Variants in MANSC1 observed in about 807,000 individuals in gnomAD.
MANSC1 encodes MANSC domain-containing protein 1.
Under a neutral mutation model 14.1 loss-of-function variants are expected in MANSC1, and 13 were observed. The observed-to-expected ratio is 0.92, with a 90% CI of 0.60 to 1.46. MANSC1 has a LOEUF of 1.46. Among genes scored for constraint, MANSC1 ranks in the 40% most tolerant of loss-of-function variants. The probability of loss-of-function intolerance (pLI) is 0.00; values close to 1 mark genes in which losing one functional copy is unlikely to be tolerated. For missense variants in MANSC1, 486 were observed against 511.4 expected (o/e 0.95, Z 0.48); for synonymous variants, 227 against 200.7 (o/e 1.13, Z -1.11).
Position 12,330,419 on chromosome 12 carries a change from C to G in MANSC1, c.904G>C (p.Val302Leu), listed in dbSNP as rs1250154732. The change falls in exon 4 of 4, where the codon GTT becomes CTT. Residue 302 changes from valine (V) to leucine (L), a missense_variant. Coordinates refer to ENST00000535902, the MANE Select transcript of MANSC1 (RefSeq NM_018050.4). ...ATLQAMATTA[V>L]LTTTFQAPTD... is the part of the protein sequence containing the mutation. ...GGTGCCTGAAAGGTGGTAGTCAGAA[C>G]TGCTGTTGTAGCCATTGCTTGGAGT... is the stretch of plus-strand genomic sequence containing the variant. The G allele has an allele frequency of 3.1e-6, 5 of 1,614,092 alleles. No homozygotes were observed. Among genetic ancestry groups the G allele is most frequent in the Non-Finnish European group, 4.2e-6 (5 of 1,180,052 alleles).
intron 3 of MANSC1, among the ~76,000 whole-genome samples, chr12:12,333,059 A>ATATATATATATATATT (rs536426090): frequency 2.0e-5 from 3 of 150,808 alleles, no homozygotes; most frequent in African/African-American, 7.3e-5. Flanking sequence ...ATATATATAT[A>ATATATATATATATATT]TTTTTGAGAC....
intron 2 of MANSC1, among the ~76,000 whole-genome samples, chr12:12,341,854 T>A (rs1438926043): frequency 6.6e-6 from 1 of 152,202 alleles, no homozygotes; most frequent in African/African-American, 2.4e-5. Flanking sequence ...TAGCTGGATG[T>A]GGTGGCGAAC....
chr12:12,344,935 A>ACAC (rs1862988708), intron 1 of MANSC1, among the ~76,000 whole-genome samples: 2 of 74,590 alleles, frequency 2.7e-5, no homozygotes, highest in Admixed American at 2.5e-4. Context: ...ATATATATAT[A>ACAC]TATATATATA....
intron 1 of MANSC1, among the ~76,000 whole-genome samples, chr12:12,344,043 G>A (rs2135997081): frequency 6.6e-6 from 1 of 152,160 alleles, no homozygotes; most frequent in East Asian, 1.9e-4. Flanking sequence ...AGCCCAGGAA[G>A]TTGAGGCTGC....
rs1555141175 is a variant in MANSC1 at position 12,338,917 on chromosome 12, A to ACC, written c.224-359_224-358dup. On this transcript the variant is annotated intron_variant, in intron 2 of 3. Coordinates refer to ENST00000535902, the MANE Select transcript of MANSC1 (RefSeq NM_018050.4). Reference sequence around the variant, plus strand: ...CACACACACACACACACACACACACACCCCTAAGACCTGCATGTCACTTAC... The same window carrying ACC: ...CACACACACACACACACACACACACACCCCCCTAAGACCTGCATGTCACTTAC... 239 of 241,428 alleles carry ACC rather than the reference A, an allele frequency of 9.9e-4. 2 individuals are homozygous for ACC. In the East Asian group the frequency reaches 0.012, roughly 12 times the overall value. 15.0% of individuals were successfully genotyped at this position (241,428 alleles called of 1,614,324 possible). A position where few individuals can be genotyped will look rare whatever the true frequency, so the allele number is the denominator to read the frequency against.
chr12:12,329,927 T>C lies in MANSC1; in HGVS notation c.*100A>G, dbSNP rs1349793946. On this transcript the variant is annotated 3_prime_UTR_variant, in exon 4 of 4. Coordinates refer to ENST00000535902, the MANE Select transcript of MANSC1 (RefSeq NM_018050.4). ...AAGCAGAAGGGGGCATTTTCCTGTC[T>C]TCAAAATACAACCTCCTGCTAAGAC... 3.6e-5 allele frequency: 37 copies of C among 1,030,854 alleles called. No individual in the cohort carries two copies. Among genetic ancestry groups the C allele is most frequent in the Non-Finnish European group, 4.9e-5 (35 of 720,038 alleles). 63.9% of individuals were successfully genotyped at this position (1,030,854 alleles called of 1,614,324 possible).
intron 3 of MANSC1, among the ~76,000 whole-genome samples, chr12:12,334,076 C>CT (rs1862826549): frequency 6.6e-6 from 1 of 152,024 alleles, no homozygotes. Context: ...TACTGAGACC[C>CT]CCCCATTGCT....
intron 2 of MANSC1, among the ~76,000 whole-genome samples, chr12:12,342,821 C>A (rs1482119301): frequency 2.0e-5 from 3 of 151,936 alleles, no homozygotes; most frequent in Non-Finnish European, 4.4e-5. Context: ...TTTTTGTTTT[C>A]AATATTCTAG....
At chr12:12,332,319 G>A (rs552993491) in intron 3 of MANSC1, among the ~76,000 whole-genome samples, 23 of 152,188 alleles carry the variant, frequency 1.5e-4, no homozygotes, top group African/African-American at 5.3e-4. Flanking sequence ...TCCTACAGAC[G>A]GATCCAGAGG....
At chr12:12,331,283 A>C (rs1281092146) in intron 3 of MANSC1, among the ~76,000 whole-genome samples, 2 of 152,254 alleles carry the variant, frequency 1.3e-5, no homozygotes, top group Non-Finnish European at 2.9e-5. Context: ...CCGCCTCTCT[A>C]CCAGATGCTG....
chr12:12,345,937 T>C (rs1354973255), intron 1 of MANSC1, among the ~76,000 whole-genome samples: 1 of 152,176 alleles, frequency 6.6e-6, no homozygotes, highest in Non-Finnish European at 1.5e-5. Flanking sequence ...AATAGAGAGA[T>C]ATAACATGTT....
intron 3 of MANSC1, among the ~76,000 whole-genome samples, chr12:12,331,889 A>T (rs984455578): frequency 1.3e-5 from 2 of 152,156 alleles, no homozygotes; most frequent in Non-Finnish European, 2.9e-5. Flanking sequence ...AGAATTTTGG[A>T]GCCAATGTCA....
At chr12:12,336,232 C>T (rs1409197957) in intron 3 of MANSC1, among the ~76,000 whole-genome samples, 1 of 152,172 alleles carries the variant, frequency 6.6e-6, no homozygotes, top group Non-Finnish European at 1.5e-5. Context: ...TCACTCTCTG[C>T]GTATTTCACA....
chr12:12,337,374 G>A (rs12578158), intron 3 of MANSC1, among the ~76,000 whole-genome samples: 11,506 of 152,106 alleles, frequency 0.076, 1,027 homozygotes, highest in East Asian at 0.32. Context: ...TGGCTAACAC[G>A]GTGAAACCCC....
chr12:12,329,788 G>A lies in MANSC1; in HGVS notation c.*239C>T, dbSNP rs1033041719. 3.8e-5 allele frequency: 17 copies of A among 445,372 alleles called. No homozygotes were observed. The highest frequency in any genetic ancestry group is 6.4e-5 in the Non-Finnish European group (16 of 250,378). 27.6% of individuals were successfully genotyped at this position (445,372 alleles called of 1,614,324 possible). A position where few individuals can be genotyped will look rare whatever the true frequency, so the allele number is the denominator to read the frequency against. On this transcript the variant is annotated 3_prime_UTR_variant, in exon 4 of 4. Coordinates refer to ENST00000535902, the MANE Select transcript of MANSC1 (RefSeq NM_018050.4). ...AATCCCAGATACTTAGGAGGCTGAG[G>A]CAGGAGAATCGCTTGAACCCAGGAG...
intron 2 of MANSC1, chr12:12,339,009 T>C (rs1862899693): frequency 5.6e-6 from 1 of 179,724 alleles, no homozygotes; most frequent in African/African-American, 2.4e-5. Flanking sequence ...TGCTCCCACA[T>C]GTTTGACCAC....
chr12:12,348,172 G>C (rs572556666), intron 1 of MANSC1: 1 of 152,256 alleles, frequency 6.6e-6, no homozygotes, highest in East Asian at 1.9e-4. Flanking sequence ...GCTAAATGCA[G>C]CCTTACCATA....
chr12:12,329,932 A>C lies in MANSC1; in HGVS notation c.*95T>G. On this transcript the variant is annotated 3_prime_UTR_variant, in exon 4 of 4. Coordinates refer to ENST00000535902, the MANE Select transcript of MANSC1 (RefSeq NM_018050.4). The stretch of plus-strand genomic sequence containing the variant: ...GAAGGGGGCATTTTCCTGTCTTCAA[A>C]ATACAACCTCCTGCTAAGACTAGCA... 1 of 1,086,060 alleles carries C rather than the reference A, an allele frequency of 9.2e-7. No individual in the cohort carries two copies. The highest frequency in any genetic ancestry group is 2.7e-5 in the Admixed American group (1 of 36,856). 67.3% of individuals were successfully genotyped at this position (1,086,060 alleles called of 1,614,324 possible).
chr12:12,344,229 T>C (rs78204607), intron 1 of MANSC1, among the ~76,000 whole-genome samples: 11,076 of 152,162 alleles, frequency 0.073, 471 homozygotes, highest in South Asian at 0.13. Context: ...ATCTTTAATC[T>C]TTATACCAAC....
Sources: allele counts gnomAD v4.1 joint callset (sites outside exome capture counted in the v4.1 genomes callset), GRCh38; gene constraint gnomAD v4.1.1; transcripts MANE v1.5; gene names NCBI Gene and HGNC (gene_info 2026-07-23, HGNC 2026-07-21).